Variants in MEIS3 observed in about 807,000 individuals in gnomAD.
MEIS3 encodes Meis homeobox 3.
A neutral mutation model predicts 51.4 loss-of-function variants in MEIS3; 38 were observed. That is an observed-to-expected ratio of 0.74 (90% CI 0.57 to 0.97). MEIS3 has a LOEUF of 0.97. Among genes scored for constraint, MEIS3 ranks in the 50% least tolerant of loss-of-function variants. The probability of loss-of-function intolerance (pLI) is 0.00; values close to 1 mark genes in which losing one functional copy is unlikely to be tolerated. For synonymous variants in MEIS3, 198 were observed against 201.8 expected, an observed-to-expected ratio of 0.98 and a Z score of 0.16; for missense variants, 456 against 502.6, an observed-to-expected ratio of 0.91 and a Z score of 0.89.
In MEIS3 at chr19:47,417,923, CCACACACACATG is replaced by C. The variant is rs1179322626; in HGVS notation, c.13-585_13-574del. ...GTCAGTCACACCCAAATCCCCCCCC[CCACACACACATG>C]CACACACACATGCACACAGCCCAAC... On this transcript the variant is annotated intron_variant, in intron 1 of 12. Transcript: ENST00000558555. 1.6e-3 allele frequency: 859 copies of C among 553,376 alleles called. 13 individuals are homozygous for C. Among genetic ancestry groups the C allele is most frequent in the African/African-American group, 0.015 (780 of 52,026 alleles). 34.3% of individuals were successfully genotyped at this position (553,376 alleles called of 1,614,324 possible). A position where few individuals can be genotyped will look rare whatever the true frequency, so the allele number is the denominator to read the frequency against.
chr19:47,405,852 G>C (rs1380165090), intron 12 of MEIS3: 2 of 152,160 alleles, frequency 1.3e-5, no homozygotes, highest in African/African-American at 4.8e-5. Context: ...GCCCAGCCAA[G>C]GGCTCAGTTT....
chr19:47,420,227 A>G, upstream of MEIS3, among the ~76,000 whole-genome samples: 1 of 152,234 alleles, frequency 6.6e-6, no homozygotes, highest in Non-Finnish European at 1.5e-5. Context: ...CTTTTTAATT[A>G]AAGACACAAG....
At chr19:47,422,111 C>A (rs1971728723), upstream of MEIS3, among the ~76,000 whole-genome samples, 1 of 152,110 alleles carries the variant, frequency 6.6e-6, no homozygotes, top group South Asian at 2.1e-4. Flanking sequence ...CGAGCCCAGA[C>A]TCCTGTGGCT....
rs1971497351 is a variant in MEIS3 at position 47,417,410 on chromosome 19, CG to C, written c.13-61del. 6 of 1,589,294 alleles carry C rather than the reference CG, an allele frequency of 3.8e-6. No individual in the cohort carries two copies. In the South Asian group the frequency reaches 6.6e-5, roughly 18 times the overall value. Reference sequence around the variant, plus strand: ...AGGGAGGGGTCAGCACCCCGAGACTCGGCTGAGGAGCTTCTCTATCCTGGAA... The same window carrying C: ...AGGGAGGGGTCAGCACCCCGAGACTCGCTGAGGAGCTTCTCTATCCTGGAA... On this transcript the variant is annotated intron_variant, in intron 1 of 12. Transcript: ENST00000558555.
At chr19:47,419,982 G>A (rs1467131162), upstream of MEIS3, among the ~76,000 whole-genome samples, 2 of 152,132 alleles carry the variant, frequency 1.3e-5, no homozygotes, top group Non-Finnish European at 2.9e-5. Flanking sequence ...GTGCGCTGGG[G>A]GCGGCGGGGG....
chr19:47,415,405 C>A (rs1308073906), intron 4 of MEIS3, among the ~76,000 whole-genome samples: 1 of 151,904 alleles, frequency 6.6e-6, no homozygotes, highest in East Asian at 1.9e-4. Flanking sequence ...GACTGGCATT[C>A]CCATCCTCTG....
chr19:47,414,877 A>T lies in MEIS3; in HGVS notation c.448-11T>A, dbSNP rs1254730452. 1 of 1,234,378 alleles carries T rather than the reference A, an allele frequency of 8.1e-7. No individual in the cohort carries two copies. The highest frequency in any genetic ancestry group is 1.1e-6 in the Non-Finnish European group (1 of 917,462). 76.5% of individuals were successfully genotyped at this position (1,234,378 alleles called of 1,614,324 possible). A position where few individuals can be genotyped will look rare whatever the true frequency, so the allele number is the denominator to read the frequency against. On this transcript the variant is annotated splice_polypyrimidine_tract_variant and intron_variant, in intron 5 of 12. Coordinates refer to ENST00000558555, the MANE Select transcript of MEIS3 (RefSeq NM_001301059.2). ...GCACAGGTCGTGGACCTGGGGGGGC[A>T]CCGGGGTACTGGGGGGGGCCACCCA...
At chr19:47,420,940 A>ACACACACTCTCTCTCTCTCT (rs1187725467), upstream of MEIS3, among the ~76,000 whole-genome samples, 14 of 90,982 alleles carry the variant, frequency 1.5e-4, no homozygotes, top group South Asian at 7.6e-4. Context: ...ACACACACAC[A>ACACACACTCTCTCTCTCTCT]CTCTCTCTCT....
At chr19:47,419,588 G>A (rs991880208), upstream of MEIS3, 3 of 7,462 alleles carry the variant, frequency 4.0e-4, no homozygotes, top group Admixed American at 5.5e-3. Context: ...GAGCCAGAGT[G>A]AGCCTGCAGA....
intron 1 of MEIS3, chr19:47,418,787 A>C: frequency 3.2e-6 from 1 of 315,206 alleles, no homozygotes; most frequent in Non-Finnish European, 5.7e-6. Context: ...GAGAGGCAGA[A>C]AGGAGGAGGA....
intron 4 of MEIS3, among the ~76,000 whole-genome samples, chr19:47,415,323 A>G (rs900743424): frequency 1.3e-5 from 2 of 152,048 alleles, no homozygotes; most frequent in Non-Finnish European, 2.9e-5. Flanking sequence ...GAAAGAGCAG[A>G]TGTTAGATTG....
intron 6 of MEIS3, among the ~76,000 whole-genome samples, chr19:47,411,840 T>G (rs1205271545): frequency 6.6e-6 from 1 of 151,104 alleles, no homozygotes; most frequent in Non-Finnish European, 1.5e-5. Context: ...GTGCCCGGCC[T>G]TATCTTTTTT....
At chr19:47,404,988 T>C (rs2122455084) in intron 12 of MEIS3, among the ~76,000 whole-genome samples, 1 of 152,310 alleles carries the variant, frequency 6.6e-6, no homozygotes, top group African/African-American at 2.4e-5. Flanking sequence ...AGTTAGGACT[T>C]TGTCCAGATG....
chr19:47,403,787 C>T (rs1970696258), intron 12 of MEIS3, among the ~76,000 whole-genome samples: 1 of 151,890 alleles, frequency 6.6e-6, no homozygotes, highest in Admixed American at 6.6e-5. Flanking sequence ...CAGACAGAGA[C>T]AGAGAACAAG....
intron 12 of MEIS3, among the ~76,000 whole-genome samples, chr19:47,404,959 G>T (rs1970748415): frequency 1.3e-5 from 2 of 152,272 alleles, no homozygotes; most frequent in African/African-American, 4.8e-5. Context: ...TGGATGGACA[G>T]ATGGATGCTA....
chr19:47,413,540 T>C (rs76258124), intron 6 of MEIS3, among the ~76,000 whole-genome samples: 1 of 152,136 alleles, frequency 6.6e-6, no homozygotes, highest in East Asian at 1.9e-4. Flanking sequence ...CACAGTAGGA[T>C]TGCCTGAGTG....
rs888427119 is a variant in MEIS3, at chr19:47,419,234, G to A, written c.-153C>T. ...CGCCCCCCCACCCCCGCCGCCGTCA[G>A]CGGCAGGCGCCGGGCCGGGTGGGGA... On this transcript the variant is annotated 5_prime_UTR_variant, in exon 1 of 13. Coordinates refer to ENST00000558555, the MANE Select transcript of MEIS3 (RefSeq NM_001301059.2). The A allele has an allele frequency of 7.0e-6, 3 of 428,772 alleles. No homozygotes were observed. Among genetic ancestry groups the A allele is most frequent in the African/African-American group, 4.2e-5 (2 of 47,514 alleles). 26.6% of individuals were successfully genotyped at this position (428,772 alleles called of 1,614,324 possible).
chr19:47,420,938 A>ACTCTCT (rs1282443244), upstream of MEIS3, among the ~76,000 whole-genome samples: 24 of 83,614 alleles, frequency 2.9e-4, no homozygotes, highest in African/African-American at 8.1e-4. Flanking sequence ...ACACACACAC[A>ACTCTCT]CACTCTCTCT....
In MEIS3 at chr19:47,416,720, G is replaced by A. The variant is rs1439427265; in HGVS notation, c.346-18C>T. The A allele has an allele frequency of 2.5e-6, 4 of 1,601,928 alleles. No homozygotes were observed. The African/African-American group carries it at 5.4e-5, about 21-fold the overall frequency. ...GAGCGAACCTGGGAGGGAAGAGAGA[G>A]GCCGGCAGGGGGATGTCCCGCCTTC... On this transcript the variant is annotated intron_variant, in intron 3 of 12. Transcript: ENST00000558555.
Sources: allele counts gnomAD v4.1 joint callset (sites outside exome capture counted in the v4.1 genomes callset), GRCh38; gene constraint gnomAD v4.1.1; transcripts MANE v1.5; gene names NCBI Gene and HGNC (gene_info 2026-07-23, HGNC 2026-07-21).